BBX: variants seen among roughly 807,000 people sequenced by gnomAD.
The protein encoded by BBX is HMG box transcription factor BBX.
Under a neutral mutation model 100.2 loss-of-function variants are expected in BBX, and 30 were observed. The observed-to-expected ratio is 0.30, with a 90% CI of 0.22 to 0.41. The LOEUF (loss-of-function observed/expected upper bound fraction) is 0.41, where lower values mean the gene tolerates loss of function less well. BBX is among the 10% of genes least tolerant of loss of function. BBX has a pLI of 1.00. For synonymous variants in BBX, 376 were observed against 388.1 expected (o/e 0.97, Z 0.37); for missense variants, 1,023 against 1,129.8 (o/e 0.91, Z 1.35).
At chr3:107,550,356 G>A (rs1201752580) in intron 2 of BBX, among the ~76,000 whole-genome samples, 1 of 152,138 alleles carries the variant, frequency 6.6e-6, no homozygotes, top group African/African-American at 2.4e-5. Context: ...AACTTTTGAC[G>A]CTATTGTTGG....
At chr3:107,638,302 G>C (rs547676041) in intron 2 of BBX, among the ~76,000 whole-genome samples, 1 of 152,266 alleles carries the variant, frequency 6.6e-6, no homozygotes, top group South Asian at 2.1e-4. Context: ...TGATCCTCCT[G>C]CCTTGGCCTC....
chr3:107,801,330 C>A, intron 17 of BBX, 49 bp downstream of exon 17: 1 of 1,576,968 alleles, frequency 6.3e-7, no homozygotes, highest in African/African-American at 1.3e-5. Context: ...ACCAGATCAA[C>A]CTCTTTGATG....
intron 7 of BBX, among the ~76,000 whole-genome samples, chr3:107,736,433 T>A (rs1054240579): frequency 2.0e-5 from 3 of 151,916 alleles, no homozygotes; most frequent in African/African-American, 4.8e-5. Context: ...TTTTTTTTTT[T>A]AATTTAAAGA....
chr3:107,791,254 T>C lies in BBX; in HGVS notation c.2308T>C (p.Trp770Arg). 2 of 1,613,110 alleles carry C rather than the reference T, an allele frequency of 1.2e-6. No homozygotes were observed. The highest frequency in any genetic ancestry group is 2.2e-5 in the East Asian group (1 of 44,816). Residue 770 changes from tryptophan (W) to arginine (R), a missense_variant, in exon 15 of 18, where the codon TGG (tryptophan) becomes CGG (arginine). This residue lies in a region of BBX where 215 missense variants were observed against 211.3 expected (regional missense o/e 1.02). Coordinates refer to ENST00000325805, the MANE Select transcript of BBX (RefSeq NM_001142568.3). ...NVPEKGSGDK[W>R]SNKQLFLDAI... ...ATTGTTTTTAGGAAGTGGGGATAAA[T>C]GGTCAAACAAGCAACTCTTCTTGGA...
intron 5 of BBX, among the ~76,000 whole-genome samples, chr3:107,726,049 C>T (rs2107479471): frequency 6.6e-6 from 1 of 152,084 alleles, no homozygotes; most frequent in East Asian, 1.9e-4. Context: ...TCTCTTAGGC[C>T]TTTTCAGTCC....
At chr3:107,554,470 T>G (rs1027335256) in intron 2 of BBX, among the ~76,000 whole-genome samples, 1 of 152,200 alleles carries the variant, frequency 6.6e-6, no homozygotes, top group East Asian at 1.9e-4. Flanking sequence ...AGATTTTATA[T>G]GTATCTAGCT....
At position 107,610,958 on chromosome 3, in the gene BBX, G is replaced by A. The variant is rs190425279; in HGVS notation, c.-83-34878G>A. On this transcript the variant is annotated intron_variant, in intron 2 of 17. Transcript: ENST00000325805. ...TCCCTTACTTTTCGTCTTCCTTTTA[G>A]TGAAGGTGATTTTCACTGGTGGTAT... is the stretch of plus-strand genomic sequence containing the variant. Among the ~76,000 whole-genome samples, 447 of 151,746 alleles carry A rather than the reference G, an allele frequency of 2.9e-3. 1 individual carries two copies. The highest frequency in any genetic ancestry group is 5.9e-3 in the Admixed American group (90 of 15,268).
chr3:107,733,828 A>T (rs910024065), intron 7 of BBX, among the ~76,000 whole-genome samples: 6 of 152,142 alleles, frequency 3.9e-5, no homozygotes, highest in African/African-American at 1.4e-4. Flanking sequence ...TTCATGATCT[A>T]GTTATTGGAC....
At chr3:107,779,558 C>T (rs530620814) in intron 13 of BBX, among the ~76,000 whole-genome samples, 1 of 152,108 alleles carries the variant, frequency 6.6e-6, no homozygotes, top group East Asian at 1.9e-4. Flanking sequence ...TTTAATTATC[C>T]TGTAAAAGTT....
At chr3:107,700,414 CATTATTATT>C (rs71113690) in intron 3 of BBX, among the ~76,000 whole-genome samples, 16,442 of 69,838 alleles carry the variant, frequency 0.24, 1,284 homozygotes, top group Admixed American at 0.26. Flanking sequence ...CTTTCATCAT[CATTATTATT>C]ATTATTATTA....
chr3:107,656,174 GA>G (rs147240182), intron 3 of BBX, among the ~76,000 whole-genome samples: 17,620 of 151,926 alleles, frequency 0.12, 1,377 homozygotes, highest in Middle Eastern at 0.18. Flanking sequence ...TGGTCCAAGA[GA>G]AAAAAATATT....
intron 2 of BBX, among the ~76,000 whole-genome samples, chr3:107,600,727 A>T (rs571095885): frequency 4.6e-5 from 7 of 152,284 alleles, no homozygotes; most frequent in African/African-American, 1.7e-4. Context: ...ATAGAGGATA[A>T]TGTTGGGCCT....
intron 7 of BBX, 83 bp downstream of exon 7, chr3:107,733,106 G>T: frequency 8.4e-7 from 1 of 1,195,550 alleles, no homozygotes; most frequent in Middle Eastern, 1.9e-4. Flanking sequence ...TGTTCATTCT[G>T]CATTTTCACT....
intron 3 of BBX, among the ~76,000 whole-genome samples, chr3:107,658,942 T>A (rs1410508645): frequency 6.6e-6 from 1 of 152,174 alleles, no homozygotes; most frequent in Middle Eastern, 3.2e-3. Context: ...TTATGATGTA[T>A]CTGAAATTTG....
Position 107,546,445 on chromosome 3 carries a change from T to C in BBX, c.-84+20047T>C, listed in dbSNP as rs16853602. Among the ~76,000 whole-genome samples, 1,327 of 152,310 alleles carry C rather than the reference T, an allele frequency of 8.7e-3. 26 individuals carry two copies. The highest frequency in any genetic ancestry group is 0.03 in the African/African-American group (1,265 of 41,568). ...TAAAACCCAGATTTTTTAGATTCCA[T>C]GATACACAGAACCATATGATTAAAT... On this transcript the variant is annotated intron_variant, in intron 2 of 17. Transcript: ENST00000325805.
chr3:107,782,528 TACTC>T (rs1340904104), intron 13 of BBX, among the ~76,000 whole-genome samples: 1 of 152,092 alleles, frequency 6.6e-6, no homozygotes, highest in Non-Finnish European at 1.5e-5. Context: ...TAATTCACCT[TACTC>T]ACTGACCTTG....
intron 3 of BBX, among the ~76,000 whole-genome samples, chr3:107,683,262 C>T (rs192158998): frequency 1.8e-3 from 280 of 152,108 alleles, no homozygotes; most frequent in Non-Finnish European, 3.0e-3. Flanking sequence ...CCCCTGCTTC[C>T]GATTTTAGTG....
intron 2 of BBX, among the ~76,000 whole-genome samples, chr3:107,584,536 T>C (rs1000666458): frequency 1.3e-5 from 2 of 151,492 alleles, no homozygotes; most frequent in African/African-American, 2.4e-5. Context: ...ATAATGTCAT[T>C]ATTTTAATTC....
rs374184448 is a variant in BBX at position 107,789,868 on chromosome 3, C to T, written c.2285C>T (p.Pro762Leu). ...YKHKKEKPNV[P>L]EKGSGDKWSN... ...CACAAAAAGGAGAAGCCCAATGTTC[C>T]GGAAAAAGGTATTGGTGCCCTCCAT... The change falls in exon 14 of 18, where the codon CCG becomes CTG. Residue 762 changes from proline to leucine, a missense_variant. Coordinates refer to ENST00000325805, the MANE Select transcript of BBX (RefSeq NM_001142568.3). 12 of 1,548,034 alleles carry T rather than the reference C, an allele frequency of 7.8e-6. No individual in the cohort carries two copies. Among genetic ancestry groups the T allele is most frequent in the African/African-American group, 2.7e-5 (2 of 73,002 alleles).
Sources: gnomAD v4.1 joint callset for allele counts (sites outside exome capture counted in the v4.1 genomes callset) on GRCh38, gnomAD v4.1.1 for gene constraint, gnomAD v4.1.1 regional missense constraint, MANE v1.5 for transcripts, NCBI Gene and HGNC (gene_info 2026-07-23, HGNC 2026-07-21) for gene names.